The following ST6GAL1 variants were observed in gnomAD, a reference collection of about 807,000 sequenced individuals.
ST6GAL1 encodes ST6 beta-galactoside alpha-2,6-sialyltransferase 1.
ST6GAL1 carries 20 observed loss-of-function variants against 38.0 expected under a neutral mutation model. That is an observed-to-expected ratio of 0.53 (90% CI 0.37 to 0.77). ST6GAL1 has a LOEUF of 0.77. Among genes scored for constraint, ST6GAL1 ranks in the 30% least tolerant of loss-of-function variants. ST6GAL1 has a pLI of 0.00. For synonymous variants in ST6GAL1, 196 were observed against 188.2 expected (o/e 1.04, Z -0.34); for missense variants, 432 against 496.4 (o/e 0.87, Z 1.23).
intron 2 of ST6GAL1, among the ~76,000 whole-genome samples, chr3:186,965,930 G>A (rs1046065086): frequency 6.6e-6 from 1 of 152,140 alleles, no homozygotes; most frequent in Non-Finnish European, 1.5e-5. Flanking sequence ...ACAGAGTGTC[G>A]CTCTGTTGCG....
At chr3:186,956,198 A>G (rs1579268916) in intron 1 of ST6GAL1, among the ~76,000 whole-genome samples, 3 of 152,196 alleles carry the variant, frequency 2.0e-5, no homozygotes, top group East Asian at 3.9e-4. Flanking sequence ...AAAATGTCGC[A>G]AGTGTGACTG....
At chr3:187,048,165 G>T (rs954664950) in intron 4 of ST6GAL1, among the ~76,000 whole-genome samples, 1 of 151,944 alleles carries the variant, frequency 6.6e-6, no homozygotes, top group Non-Finnish European at 1.5e-5. Context: ...GGATGGTCTC[G>T]ATCTCCTGAC....
chr3:186,999,292 T>C (rs1251144051), intron 2 of ST6GAL1, among the ~76,000 whole-genome samples: 1 of 152,212 alleles, frequency 6.6e-6, no homozygotes, highest in Non-Finnish European at 1.5e-5. Flanking sequence ...AGCTCAGCTA[T>C]GTCAGGGCCA....
At chr3:186,984,845 C>CTCCT (rs1278246050) in intron 2 of ST6GAL1, among the ~76,000 whole-genome samples, 15 of 79,816 alleles carry the variant, frequency 1.9e-4, no homozygotes, top group South Asian at 1.1e-3. Flanking sequence ...CCCTCCCTCC[C>CTCCT]TCCTTCCTTC....
chr3:187,007,749 A>C (rs191207647), intron 2 of ST6GAL1, among the ~76,000 whole-genome samples: 143 of 152,350 alleles, frequency 9.4e-4, no homozygotes, highest in Middle Eastern at 3.4e-3. Context: ...TGAAATTATT[A>C]GACAAATAAA....
intron 1 of ST6GAL1, among the ~76,000 whole-genome samples, chr3:186,958,669 G>A (rs1041989794): frequency 1.3e-5 from 2 of 152,138 alleles, no homozygotes; most frequent in African/African-American, 4.8e-5. Context: ...AGGGCTCAAT[G>A]TGCCGGGTGC....
intron 1 of ST6GAL1, among the ~76,000 whole-genome samples, chr3:186,954,640 G>A (rs1714687919): frequency 6.6e-6 from 1 of 151,748 alleles, no homozygotes; most frequent in African/African-American, 2.4e-5. Context: ...TTTGAGAAAT[G>A]TCTGTTTATG....
At chr3:186,937,732 C>T (rs1714016790) in intron 1 of ST6GAL1, among the ~76,000 whole-genome samples, 1 of 152,130 alleles carries the variant, frequency 6.6e-6, no homozygotes, top group African/African-American at 2.4e-5. Flanking sequence ...CACTGGACAG[C>T]CAACCACATC....
At chr3:187,022,559 T>G (rs887997614) in intron 2 of ST6GAL1, among the ~76,000 whole-genome samples, 1 of 152,164 alleles carries the variant, frequency 6.6e-6, no homozygotes, top group African/African-American at 2.4e-5. Flanking sequence ...TCTGGGTGAA[T>G]AGATAGTGAT....
chr3:187,024,403 A>G (rs1717443377), intron 2 of ST6GAL1, among the ~76,000 whole-genome samples: 1 of 141,120 alleles, frequency 7.1e-6, no homozygotes, highest in African/African-American at 2.7e-5. Flanking sequence ...TAAATGTTTT[A>G]TATATATATA....
chr3:187,013,816 C>A (rs1312232544), intron 2 of ST6GAL1, among the ~76,000 whole-genome samples: 1 of 152,148 alleles, frequency 6.6e-6, no homozygotes, highest in Non-Finnish European at 1.5e-5. Context: ...GACTCCCGAC[C>A]TCAGGTGATC....
intron 4 of ST6GAL1, among the ~76,000 whole-genome samples, chr3:187,047,005 GCA>G (rs1229675335): frequency 1.1e-4 from 17 of 152,166 alleles, no homozygotes; most frequent in African/African-American, 4.1e-4. Flanking sequence ...GAGTGCAGTG[GCA>G]TGATCTCGGC....
At chr3:187,016,124 C>T (rs1344162135) in intron 2 of ST6GAL1, among the ~76,000 whole-genome samples, 5 of 152,160 alleles carry the variant, frequency 3.3e-5, no homozygotes, top group Admixed American at 6.5e-5. Flanking sequence ...TGTACAGAGC[C>T]GCAGACCCAG....
At chr3:187,007,273 G>A (rs1436305694) in intron 2 of ST6GAL1, among the ~76,000 whole-genome samples, 1 of 152,168 alleles carries the variant, frequency 6.6e-6, no homozygotes, top group Non-Finnish European at 1.5e-5. Flanking sequence ...TGAGAGGAGA[G>A]AGGTGGAAAA....
intron 2 of ST6GAL1, among the ~76,000 whole-genome samples, chr3:186,969,782 G>T (rs1213556107): frequency 6.6e-6 from 1 of 152,210 alleles, no homozygotes. Flanking sequence ...TAAAGGAAAT[G>T]AAAAGTTATC....
chr3:187,019,925 G>A (rs879887497), intron 2 of ST6GAL1, among the ~76,000 whole-genome samples: 1 of 152,222 alleles, frequency 6.6e-6, no homozygotes, highest in Non-Finnish European at 1.5e-5. Context: ...GTGTGATAAA[G>A]CAGAGAGGCT....
intron 5 of ST6GAL1, among the ~76,000 whole-genome samples, chr3:187,056,282 C>T (rs1409856016): frequency 6.6e-6 from 1 of 152,146 alleles, no homozygotes; most frequent in Non-Finnish European, 1.5e-5. Flanking sequence ...TATCTTTCAA[C>T]TGGGGCATTT....
rs777284898 is a variant in ST6GAL1 at position 187,051,255 on chromosome 3, A to G, written c.614A>G (p.His205Arg). The G allele has an allele frequency of 1.9e-6, 3 of 1,613,868 alleles. No homozygotes were observed. Among genetic ancestry groups the G allele is most frequent in the Non-Finnish European group, 1.7e-6 (2 of 1,179,956 alleles). The change falls in exon 5 of 8, where the codon CAT (histidine) becomes CGT (arginine). Residue 205 changes from histidine (H) to arginine (R), a missense_variant. Coordinates refer to ENST00000169298, the MANE Select transcript of ST6GAL1 (RefSeq NM_173216.2). ...GTTTCTTTGTGGTTTATAGATGATC[A>G]TGACGCAGTCCTGAGGTTTAATGGG... ...SSQLGREIDD[H>R]DAVLRFNGAP...
chr3:187,013,487 C>A (rs577173049), intron 2 of ST6GAL1, among the ~76,000 whole-genome samples: 1 of 152,358 alleles, frequency 6.6e-6, no homozygotes, highest in East Asian at 1.9e-4. Context: ...CAGTGACACA[C>A]CCTTGACCCT....
Sources: allele counts gnomAD v4.1 joint callset (sites outside exome capture counted in the v4.1 genomes callset), GRCh38; gene constraint gnomAD v4.1.1; transcripts MANE v1.5; gene names NCBI Gene and HGNC (gene_info 2026-07-23, HGNC 2026-07-21).